The following RAB27B variants were observed in gnomAD, a reference collection of about 807,000 sequenced individuals.
The protein encoded by RAB27B is RAB27B, member RAS oncogene family, also known as ras-related protein Rab-27B.
A neutral mutation model predicts 24.6 loss-of-function variants in RAB27B; 15 were observed. That is an observed-to-expected ratio of 0.61 (90% CI 0.41 to 0.94). RAB27B has a LOEUF of 0.94. RAB27B is among the 40% of genes least tolerant of loss of function. The pLI, the probability that RAB27B is intolerant of heterozygous loss-of-function variation, is 0.00. For missense variants in RAB27B, 261 were observed against 266.8 expected, an observed-to-expected ratio of 0.98 and a Z score of 0.15; for synonymous variants, 105 against 92.5, an observed-to-expected ratio of 1.14 and a Z score of -0.78.
chr18:54,861,669 C>T (rs1011814322), intron 1 of RAB27B, among the ~76,000 whole-genome samples: 5 of 152,176 alleles, frequency 3.3e-5, no homozygotes, highest in Admixed American at 2.0e-4. Flanking sequence ...ACCCTGGCTA[C>T]ATGTTGGAAT....
At chr18:54,822,551 G>A (rs536727821) in intron 2 of RAB27B, among the ~76,000 whole-genome samples, 4 of 152,054 alleles carry the variant, frequency 2.6e-5, no homozygotes, top group Non-Finnish European at 5.9e-5. Context: ...CATTTTATAT[G>A]GATTTGCATA....
intron 2 of RAB27B, among the ~76,000 whole-genome samples, chr18:54,743,199 G>T (rs1910124430): frequency 6.6e-6 from 1 of 152,152 alleles, no homozygotes; most frequent in Admixed American, 6.6e-5. Context: ...ACATACTGTA[G>T]TTTTCAACAT....
intron 2 of RAB27B, among the ~76,000 whole-genome samples, chr18:54,770,683 G>A (rs1481480794): frequency 6.6e-6 from 1 of 151,678 alleles, no homozygotes; most frequent in Non-Finnish European, 1.5e-5. Context: ...AAAATTTCGG[G>A]GACCGCTACT....
intron 2 of RAB27B, among the ~76,000 whole-genome samples, chr18:54,812,674 T>C (rs1051759564): frequency 1.3e-5 from 2 of 152,058 alleles, no homozygotes; most frequent in Non-Finnish European, 2.9e-5. Context: ...CTTTCAAATT[T>C]TGAGATTCTA....
At position 54,818,157 on chromosome 18, in the gene RAB27B, A is replaced by G. The variant is rs150491729; in HGVS notation, c.-19-59410A>G. Among the ~76,000 whole-genome samples the G allele has an allele frequency of 5.1e-3, 783 of 152,286 alleles. 10 individuals are homozygous for G. Among genetic ancestry groups the G allele is most frequent in the African/African-American group, 0.016 (680 of 41,560 alleles). ...CAATTACCTTGGCAAATAGCCGTAC[A>G]ATCCTTTGGGAAATTTTAGGCAGCA... On this transcript the variant is annotated intron_variant, in intron 2 of 4. Coordinates refer to the RAB27B transcript ENST00000586570.
intron 1 of RAB27B, among the ~76,000 whole-genome samples, chr18:54,859,889 T>C (rs1056891922): frequency 6.6e-6 from 1 of 152,228 alleles, no homozygotes; most frequent in African/African-American, 2.4e-5. Context: ...GGGGATGAAG[T>C]GGCTGAAATC....
At position 54,810,581 on chromosome 18, in the gene RAB27B, G is replaced by A. The variant is rs139516728; in HGVS notation, c.-19-66986G>A. ...GCCAAGGCTCACACCTGTAATCCCA[G>A]CACATTGGGAGGCTGAGGTGGGCAG... On this transcript the variant is annotated intron_variant, in intron 2 of 4. Coordinates refer to the RAB27B transcript ENST00000586570. 5.6e-3 allele frequency among the ~76,000 whole-genome samples: 853 copies of A among 152,134 alleles called. 2 individuals are homozygous for A. The highest frequency in any genetic ancestry group is 0.01 in the Middle Eastern group (3 of 294).
At position 54,893,298 on chromosome 18, in the gene RAB27B, C is replaced by A. The variant is rs1913442242; in HGVS notation, c.*3885C>A. 6.6e-6 allele frequency: 1 copy of A among 151,942 alleles called. No homozygotes were observed. Among genetic ancestry groups the A allele is most frequent in the South Asian group, 2.1e-4 (1 of 4,832 alleles). The allele number at this position is 151,942 out of a possible 1,614,324, so 9.4% of individuals were successfully genotyped here. ...AACTCAACAATAAAGAAATAATATT[C>A]CAAGTCTCTGGTTTCCTAAGATACA... On this transcript the variant is annotated 3_prime_UTR_variant, in exon 6 of 6. Coordinates refer to ENST00000262094, the MANE Select transcript of RAB27B (RefSeq NM_004163.4).
intron 1 of RAB27B, among the ~76,000 whole-genome samples, chr18:54,862,667 G>C (rs576255658): frequency 6.6e-6 from 1 of 152,244 alleles, no homozygotes; most frequent in South Asian, 2.1e-4. Context: ...AGAGTCCCTC[G>C]AGTTGGTATT....
chr18:54,781,642 C>T (rs1051902577), intron 2 of RAB27B, among the ~76,000 whole-genome samples: 2 of 152,094 alleles, frequency 1.3e-5, no homozygotes, highest in African/African-American at 4.8e-5. Flanking sequence ...AGCTCCATCC[C>T]ACATACCTTT....
At chr18:54,876,938 T>C (rs939054471) in intron 1 of RAB27B, among the ~76,000 whole-genome samples, 1 of 152,058 alleles carries the variant, frequency 6.6e-6, no homozygotes, top group African/African-American at 2.4e-5. Flanking sequence ...ACTTTTTACT[T>C]TAAGTTCTAC....
intron 2 of RAB27B, among the ~76,000 whole-genome samples, chr18:54,787,063 G>T (rs1909109096): frequency 2.6e-5 from 4 of 152,206 alleles, no homozygotes; most frequent in Admixed American, 2.6e-4. Context: ...TCTGAATAGT[G>T]AAGCTCGGAA....
chr18:54,812,025 G>T (rs1909978954), intron 2 of RAB27B, among the ~76,000 whole-genome samples: 1 of 152,184 alleles, frequency 6.6e-6, no homozygotes, highest in Admixed American at 6.5e-5. Flanking sequence ...GACTCCTAGT[G>T]AGGGGATTTT....
At position 54,798,143 on chromosome 18, in the gene RAB27B, G is replaced by A. The variant is rs575545155; in HGVS notation, c.-19-79424G>A. ...TTCCTATTAATGTTTTATATTGAGA[G>A]TTCATTCCTTCTTCCCATTGGTTAG... On this transcript the variant is annotated intron_variant, in intron 2 of 4. Coordinates refer to the RAB27B transcript ENST00000586570. 2.4e-4 allele frequency among the ~76,000 whole-genome samples: 36 copies of A among 152,190 alleles called. No individual in the cohort carries two copies. In the South Asian group the frequency reaches 6.2e-3, roughly 26 times the overall value.
intron 2 of RAB27B, among the ~76,000 whole-genome samples, chr18:54,736,348 A>T (rs77156443): frequency 3.9e-5 from 6 of 152,172 alleles, no homozygotes; most frequent in Non-Finnish European, 8.8e-5. Flanking sequence ...ATCTAATTGG[A>T]TGTTATTAAA....
intron 1 of RAB27B, among the ~76,000 whole-genome samples, chr18:54,850,659 C>T (rs1911546336): frequency 6.6e-6 from 1 of 151,472 alleles, no homozygotes; most frequent in African/African-American, 2.4e-5. Flanking sequence ...AGCCACCGTG[C>T]CTGGCTTCAG....
At chr18:54,854,529 C>T (rs1033829151) in intron 1 of RAB27B, among the ~76,000 whole-genome samples, 1 of 152,144 alleles carries the variant, frequency 6.6e-6, no homozygotes, top group Non-Finnish European at 1.5e-5. Context: ...TGAGATTAAA[C>T]ATAACCTTTA....
intron 1 of RAB27B, among the ~76,000 whole-genome samples, chr18:54,829,433 G>A (rs1169500650): frequency 6.6e-6 from 1 of 152,178 alleles, no homozygotes; most frequent in Non-Finnish European, 1.5e-5. Flanking sequence ...TGTTTTGTGA[G>A]TTTTTTATGT....
chr18:54,870,964 T>C (rs1912440083), intron 1 of RAB27B, among the ~76,000 whole-genome samples: 1 of 152,238 alleles, frequency 6.6e-6, no homozygotes, highest in African/African-American at 2.4e-5. Flanking sequence ...AGTATATGTT[T>C]GAAATTTTCC....
Sources: gnomAD v4.1 joint callset for allele counts (sites outside exome capture counted in the v4.1 genomes callset) on GRCh38, gnomAD v4.1.1 for gene constraint, MANE v1.5 for transcripts, NCBI Gene and HGNC (gene_info 2026-07-23, HGNC 2026-07-21) for gene names.